Variants in KAZN observed in about 807,000 individuals in gnomAD.
The protein encoded by KAZN is kazrin.
A neutral mutation model predicts 87.4 loss-of-function variants in KAZN; 40 were observed. That is an observed-to-expected ratio of 0.46 (90% CI 0.36 to 0.60). The LOEUF is 0.60. Among genes scored for constraint, KAZN ranks in the 20% least tolerant of loss-of-function variants. KAZN has a pLI of 0.00. For synonymous variants in KAZN, 466 were observed against 458.3 expected (o/e 1.02, Z -0.22); for missense variants, 898 against 1,073.9 (o/e 0.84, Z 2.29).
At chr1:13,909,644 A>C (rs1639577429) in intron 1 of KAZN, among the ~76,000 whole-genome samples, 1 of 152,050 alleles carries the variant, frequency 6.6e-6, no homozygotes, top group Admixed American at 6.6e-5. Flanking sequence ...GCTTGGTCTT[A>C]TTTAGGATAA....
At chr1:14,696,012 GT>G (rs1258298136) in intron 1 of KAZN, among the ~76,000 whole-genome samples, 1 of 152,136 alleles carries the variant, frequency 6.6e-6, no homozygotes, top group Non-Finnish European at 1.5e-5. Flanking sequence ...ATATAATTCA[GT>G]TTTCCTTTAG....
At chr1:13,937,018 A>G (rs568494575) in intron 1 of KAZN, among the ~76,000 whole-genome samples, 1 of 147,126 alleles carries the variant, frequency 6.8e-6, no homozygotes, top group South Asian at 2.2e-4. Flanking sequence ...AAAAATGTCC[A>G]TTCATGTTTT....
At chr1:14,419,455 A>C (rs774193930) in intron 2 of KAZN, among the ~76,000 whole-genome samples, 1 of 152,138 alleles carries the variant, frequency 6.6e-6, no homozygotes, top group Non-Finnish European at 1.5e-5. Context: ...GCTCTGTCCA[A>C]GCCACTCCAT....
chr1:14,924,328 C>A (rs958827917), intron 1 of KAZN: 38 of 986,828 alleles, frequency 3.9e-5, no homozygotes, highest in Non-Finnish European at 4.4e-5. Context: ...CGGAGCCCCT[C>A]GCGCAGCCGC....
chr1:14,884,765 G>A (rs1285400942), intron 1 of KAZN, among the ~76,000 whole-genome samples: 1 of 152,232 alleles, frequency 6.6e-6, no homozygotes, highest in Non-Finnish European at 1.5e-5. Flanking sequence ...CTGGTCTGGG[G>A]ATCACACTGT....
At chr1:13,952,558 T>C (rs1419830953) in intron 1 of KAZN, among the ~76,000 whole-genome samples, 1 of 152,002 alleles carries the variant, frequency 6.6e-6, no homozygotes, top group Non-Finnish European at 1.5e-5. Flanking sequence ...AGGGAGGAGT[T>C]GTGGTTACTT....
intron 1 of KAZN, among the ~76,000 whole-genome samples, chr1:14,797,468 G>A (rs1047163064): frequency 3.3e-5 from 5 of 152,118 alleles, no homozygotes; most frequent in Non-Finnish European, 7.4e-5. Flanking sequence ...CTATGAAGAG[G>A]GATCGATGTG....
At chr1:14,087,658 T>C (rs560482437) in intron 1 of KAZN, among the ~76,000 whole-genome samples, 32 of 152,202 alleles carry the variant, frequency 2.1e-4, no homozygotes, top group African/African-American at 7.7e-4. Flanking sequence ...GTTTTTTTTA[T>C]CAAGAGTGGC....
rs180930913 is a variant in KAZN at position 14,509,565 on chromosome 1, A to T, written c.250-89418A>T. Among the ~76,000 whole-genome samples the T allele has an allele frequency of 2.2e-4, 33 of 152,336 alleles. 1 individual carries two copies. Among genetic ancestry groups the T allele is most frequent in the Admixed American group, 1.6e-3 (24 of 15,300 alleles). On this transcript the variant is annotated intron_variant, in intron 2 of 16. Coordinates refer to the KAZN transcript ENST00000636203. ...GAGCCTCGTAGGGCCGTGGAAAAAG[A>T]TTAAATTTCATTCTAAGAGCAAAGA...
chr1:14,969,799 C>G (rs1349289649), intron 2 of KAZN, among the ~76,000 whole-genome samples: 1 of 152,086 alleles, frequency 6.6e-6, no homozygotes, highest in African/African-American at 2.4e-5. Context: ...TGCACAAGTA[C>G]TTTTTATTTT....
chr1:14,721,966 CA>C (rs1443478076), intron 1 of KAZN, among the ~76,000 whole-genome samples: 2 of 151,956 alleles, frequency 1.3e-5, no homozygotes, highest in African/African-American at 4.8e-5. Flanking sequence ...CCAGCCTGGC[CA>C]ACATGGTGAA....
chr1:14,108,555 T>C (rs1644429850), intron 1 of KAZN, among the ~76,000 whole-genome samples: 1 of 152,120 alleles, frequency 6.6e-6, no homozygotes, highest in Non-Finnish European at 1.5e-5. Flanking sequence ...GGGCCAGACT[T>C]GCAGTGCCCT....
intron 1 of KAZN, among the ~76,000 whole-genome samples, chr1:13,984,506 G>A (rs958155999): frequency 6.6e-6 from 1 of 152,070 alleles, no homozygotes; most frequent in Non-Finnish European, 1.5e-5. Context: ...TAATTTTTTT[G>A]GAATCTCTTC....
chr1:14,695,813 T>G (rs1641572778), intron 1 of KAZN, among the ~76,000 whole-genome samples: 2 of 152,184 alleles, frequency 1.3e-5, no homozygotes, highest in South Asian at 4.1e-4. Context: ...CTCTCCACCC[T>G]GTCTTCTATA....
chr1:14,180,362 C>A, intron 1 of KAZN: 1 of 1,392,902 alleles, frequency 7.2e-7, no homozygotes, highest in Non-Finnish European at 9.8e-7. Flanking sequence ...CTTTTCTCTT[C>A]AAAATGGCTA....
intron 1 of KAZN, among the ~76,000 whole-genome samples, chr1:14,758,121 T>TTTG (rs746872639): frequency 5.3e-4 from 54 of 102,144 alleles, no homozygotes; most frequent in Non-Finnish European, 1.1e-3. Context: ...TTTGTTTTGT[T>TTTG]TTTTCTCTCT....
At chr1:14,515,061 C>A (rs903871881) in intron 2 of KAZN, among the ~76,000 whole-genome samples, 2 of 152,134 alleles carry the variant, frequency 1.3e-5, no homozygotes, top group African/African-American at 4.8e-5. Context: ...ACCTTTGTCC[C>A]CATGTACCCA....
rs183933358 is a variant in KAZN, at chr1:14,118,129, A to G, written c.92-62306A>G. ...TGGAGGGCAGCTCACAGGTGACCAC[A>G]TTCTCCTTTGCAGTTTCTCAAAGAA... On this transcript the variant is annotated intron_variant, in intron 1 of 16. Coordinates refer to the KAZN transcript ENST00000636203. Among the ~76,000 whole-genome samples the G allele has an allele frequency of 5.7e-4, 87 of 152,306 alleles. 1 individual carries two copies. In the East Asian group the frequency reaches 0.011, roughly 20 times the overall value.
At chr1:15,018,420 G>T (rs1670341832) in intron 2 of KAZN, among the ~76,000 whole-genome samples, 1 of 151,938 alleles carries the variant, frequency 6.6e-6, no homozygotes, top group Non-Finnish European at 1.5e-5. Context: ...GTGGTGGCCA[G>T]GGTCTCTCAC....
Sources: allele counts gnomAD v4.1 joint callset (sites outside exome capture counted in the v4.1 genomes callset), GRCh38; gene constraint gnomAD v4.1.1; transcripts MANE v1.5; gene names NCBI Gene and HGNC (gene_info 2026-07-23, HGNC 2026-07-21).